REV1: variants seen among roughly 807,000 people sequenced by gnomAD.
REV1 encodes translesion synthesis protein REV1.
REV1 carries 42 observed loss-of-function variants against 137.4 expected under a neutral mutation model. That is an observed-to-expected ratio of 0.31 (90% CI 0.24 to 0.40). REV1 has a LOEUF of 0.40. Among genes scored for constraint, REV1 ranks in the 10% least tolerant of loss-of-function variants. The pLI is 1.00. For missense variants in REV1, 1,282 were observed against 1,490.1 expected (o/e 0.86, Z 2.30); for synonymous variants, 524 against 519.2 (o/e 1.01, Z -0.12).
chr2:99,432,182 T>C (rs1373668451), intron 8 of REV1, among the ~76,000 whole-genome samples: 1 of 152,088 alleles, frequency 6.6e-6, no homozygotes, highest in African/African-American at 2.4e-5. Flanking sequence ...AAAGAAGTCA[T>C]GGATGGATGA....
In REV1 at chr2:99,408,140, G is replaced by C; in HGVS notation, c.2346-9C>G. 1 of 1,555,874 alleles carries C rather than the reference G, an allele frequency of 6.4e-7. No individual in the cohort carries two copies. The highest frequency in any genetic ancestry group is 2.3e-5 in the East Asian group (1 of 44,112). On this transcript the variant is annotated splice_polypyrimidine_tract_variant and intron_variant, in intron 14 of 22. Transcript: ENST00000258428. ...GGTCAAGAGTTACAGTCCTGTAAGT[G>C]ATAGAATTAAAAAACAAAAGCTTCA...
At chr2:99,486,217 T>A (rs1202973233) in intron 1 of REV1, among the ~76,000 whole-genome samples, 1 of 152,208 alleles carries the variant, frequency 6.6e-6, no homozygotes, top group Non-Finnish European at 1.5e-5. Context: ...TTTCAAATAG[T>A]TCCTAGAAGG....
At position 99,462,680 on chromosome 2, in the gene REV1, T is replaced by C. The variant is rs1037592277; in HGVS notation, c.55-58A>G. 16 of 1,555,290 alleles carry C rather than the reference T, an allele frequency of 1.0e-5. 1 individual carries two copies. The East Asian group carries it at 2.0e-4, about 20-fold the overall frequency. The stretch of plus-strand genomic sequence containing the variant: ...AGGTTACATTTTCTCCCCCCTTTTT[T>C]GAAAAAAAAAAATTTTAAAAACTAA... On this transcript the variant is annotated intron_variant, in intron 2 of 22. Transcript: ENST00000258428.
chr2:99,426,432 T>C (rs2104662728), intron 9 of REV1, among the ~76,000 whole-genome samples: 1 of 152,272 alleles, frequency 6.6e-6, no homozygotes, highest in East Asian at 1.9e-4. Flanking sequence ...AACATTAATT[T>C]ACACAAAAAT....
chr2:99,401,265 A>T lies in REV1; in HGVS notation c.3732T>A (p.Tyr1244Ter). Residue 1244 changes from tyrosine (Y) to a stop codon, truncating the protein, a stop_gained, in exon 23 of 23, where the codon TAT becomes TAA. Coordinates refer to ENST00000258428, the MANE Select transcript of REV1 (RefSeq NM_016316.4). LOFTEE classifies it high-confidence loss of function. ...TTTATGTAACTTTTAATGTGCTTCC[A>T]TAAGTTTGTTGTAAAACCACCTGGA... ...DNVQVVLQQT[Y>*]GSTLKVT 6.2e-7 allele frequency: 1 copy of T among 1,611,526 alleles called. No individual in the cohort carries two copies. The highest frequency in any genetic ancestry group is 2.2e-5 in the East Asian group (1 of 44,860).
intron 5 of REV1, 88 bp from the exon 6 acceptor site, chr2:99,439,398 C>G (rs1681186748): frequency 2.3e-6 from 2 of 867,110 alleles, no homozygotes; most frequent in Admixed American, 2.9e-5. Context: ...TAGTGGTACA[C>G]AGTTTGGTAT....
chr2:99,418,869 A>T lies in REV1; in HGVS notation c.1910T>A (p.Val637Glu). 2 of 1,612,312 alleles carry T rather than the reference A, an allele frequency of 1.2e-6. No individual in the cohort carries two copies. Among genetic ancestry groups the T allele is most frequent in the South Asian group, 1.1e-5 (1 of 91,024 alleles). ...DGQYHLKPEE[V>E]DDFIRGQLVT... ...TAGCTGGCCTCTGATAAAATCATCT[A>T]CTTCTTCTGGTTTTAGGTGGTACTG... is the stretch of plus-strand genomic sequence containing the variant. Residue 637 changes from valine to glutamate, a missense_variant, in exon 12 of 23, where the codon GTA (valine) becomes GAA (glutamate). Val to Glu is a moderately radical substitution (Grantham distance 121, BLOSUM62 -2). Coordinates refer to ENST00000258428, the MANE Select transcript of REV1 (RefSeq NM_016316.4).
intron 13 of REV1, 111 bp downstream of exon 13, chr2:99,412,620 G>T: frequency 1.2e-6 from 1 of 833,430 alleles, no homozygotes; most frequent in South Asian, 1.6e-5. Flanking sequence ...GGATACAACA[G>T]TTTTAAGACT....
At chr2:99,418,098 G>A (rs1009141833) in intron 12 of REV1, among the ~76,000 whole-genome samples, 1 of 151,986 alleles carries the variant, frequency 6.6e-6, no homozygotes, top group Admixed American at 6.5e-5. Flanking sequence ...AAGTTAGTTC[G>A]GACATACTTT....
intron 9 of REV1, among the ~76,000 whole-genome samples, chr2:99,425,505 C>T (rs1230593082): frequency 2.6e-5 from 4 of 152,158 alleles, no homozygotes; most frequent in African/African-American, 9.7e-5. Flanking sequence ...GACAACCTTG[C>T]ACTTGCCTAG....
At chr2:99,452,118 G>A (rs1264176174) in intron 3 of REV1, among the ~76,000 whole-genome samples, 1 of 151,986 alleles carries the variant, frequency 6.6e-6, no homozygotes, top group Non-Finnish European at 1.5e-5. Flanking sequence ...CAGCAGATGT[G>A]GGGTTAATTA....
intron 12 of REV1, among the ~76,000 whole-genome samples, chr2:99,416,924 AAAAAAAAAAG>A (rs1677954360): frequency 6.6e-6 from 1 of 151,280 alleles, no homozygotes; most frequent in Admixed American, 6.6e-5. Context: ...AAAAAAAAAA[AAAAAAAAAAG>A]AAATAAAGTC....
chr2:99,483,876 C>T (rs1686877733), intron 1 of REV1, among the ~76,000 whole-genome samples: 1 of 152,070 alleles, frequency 6.6e-6, no homozygotes, highest in African/African-American at 2.4e-5. Flanking sequence ...TCACTTTCCT[C>T]CAGTAAGATA....
chr2:99,451,387 T>C, intron 3 of REV1: 1 of 1,293,780 alleles, frequency 7.7e-7, no homozygotes. Context: ...CTCCAGAAAT[T>C]TGGAACTGGA....
rs149812688 is a variant in REV1, at chr2:99,431,285, T to C, written c.1439-1337A>G. ...TGCTTCAAAACAGCAGAGTGTGTAA[T>C]GTGAGCTAGTTTCTGACATATGAAT... On this transcript the variant is annotated intron_variant, in intron 8 of 22. Transcript: ENST00000258428. 2.4e-3 allele frequency among the ~76,000 whole-genome samples: 373 copies of C among 152,326 alleles called. 4 individuals carry two copies. The highest frequency in any genetic ancestry group is 8.6e-3 in the African/African-American group (357 of 41,580).
intron 3 of REV1, among the ~76,000 whole-genome samples, chr2:99,460,550 C>T (rs531855889): frequency 2.6e-4 from 39 of 152,230 alleles, no homozygotes; most frequent in African/African-American, 8.9e-4. Context: ...AAATCAAAAA[C>T]AAAATAGCAC....
At chr2:99,408,841 G>A (rs538056064) in intron 14 of REV1, among the ~76,000 whole-genome samples, 80 of 152,266 alleles carry the variant, frequency 5.3e-4, no homozygotes, top group African/African-American at 1.9e-3. Context: ...AAGTTATTTC[G>A]TGTTTTGGAT....
At chr2:99,440,981 A>AT (rs1681417890) in intron 5 of REV1, among the ~76,000 whole-genome samples, 1 of 152,228 alleles carries the variant, frequency 6.6e-6, no homozygotes. Flanking sequence ...GTAGAGATAC[A>AT]TTTTTTAGGC....
chr2:99,406,944 G>A (rs1676382014), intron 15 of REV1: 2 of 152,272 alleles, frequency 1.3e-5, no homozygotes, highest in Admixed American at 1.3e-4. Flanking sequence ...CCTCCATAAA[G>A]TGCCATTATA....
Sources: allele counts gnomAD v4.1 joint callset (sites outside exome capture counted in the v4.1 genomes callset), GRCh38; gene constraint gnomAD v4.1.1; transcripts MANE v1.5; gene names NCBI Gene and HGNC (gene_info 2026-07-23, HGNC 2026-07-21).